SMG7: variants seen among roughly 807,000 people sequenced by gnomAD.
The protein encoded by SMG7 is nonsense-mediated mRNA decay factor SMG7.
In SMG7, 34 loss-of-function variants were observed where a neutral mutation model predicts 148.2. That is an observed-to-expected ratio of 0.23 (90% CI 0.17 to 0.31). The LOEUF (loss-of-function observed/expected upper bound fraction) is 0.31. Ranked by LOEUF, SMG7 falls within the 10% of genes least tolerant of loss-of-function variation. The pLI, the probability that SMG7 is intolerant of heterozygous loss-of-function variation, is 1.00. For missense variants in SMG7, 1,114 were observed against 1,408.4 expected, an observed-to-expected ratio of 0.79 and a Z score of 3.35; for synonymous variants, 492 against 515.1, an observed-to-expected ratio of 0.96 and a Z score of 0.61.
intron 4 of SMG7, 89 bp from the exon 5 acceptor site, chr1:183,526,507 G>A: frequency 1.3e-6 from 1 of 777,012 alleles, no homozygotes; most frequent in Non-Finnish European, 2.1e-6. Flanking sequence ...TCAGCAGTAT[G>A]TGGTACTAGG....
intron 15 of SMG7, 124 bp downstream of exon 15, chr1:183,544,621 A>G (rs1330855234): frequency 2.0e-6 from 2 of 1,004,968 alleles, no homozygotes; most frequent in East Asian, 2.6e-5. Context: ...TATTTTCCCT[A>G]ATACTTATAA....
chr1:183,497,917 TAATC>T (rs1451662815), intron 1 of SMG7, among the ~76,000 whole-genome samples: 1 of 152,094 alleles, frequency 6.6e-6, no homozygotes, highest in East Asian at 1.9e-4. Flanking sequence ...CTCAGGAAAA[TAATC>T]AAGAAAAAGA....
intron 11 of SMG7, among the ~76,000 whole-genome samples, chr1:183,537,945 A>G (rs373711065): frequency 1.3e-5 from 2 of 152,276 alleles, no homozygotes; most frequent in East Asian, 1.9e-4. Flanking sequence ...TTGCACATAA[A>G]TCACCTGAAT....
intron 4 of SMG7, among the ~76,000 whole-genome samples, chr1:183,521,709 C>CT (rs1664807985): frequency 1.3e-5 from 2 of 151,814 alleles, no homozygotes; most frequent in African/African-American, 4.8e-5. Flanking sequence ...TACAAAGAAT[C>CT]TAAAAATCAA....
intron 1 of SMG7, among the ~76,000 whole-genome samples, chr1:183,494,555 G>T (rs1571829150): frequency 6.8e-6 from 1 of 148,054 alleles, no homozygotes; most frequent in Non-Finnish European, 1.5e-5. Flanking sequence ...ATTCCTTATG[G>T]TATTGATCTC....
At chr1:183,499,852 CCTT>C (rs1659361119) in intron 1 of SMG7, among the ~76,000 whole-genome samples, 2 of 151,942 alleles carry the variant, frequency 1.3e-5, no homozygotes, top group Admixed American at 6.6e-5. Context: ...ATTTTGGTAT[CCTT>C]CTTGTTTGGA....
intron 1 of SMG7, among the ~76,000 whole-genome samples, chr1:183,502,692 C>T (rs895822731): frequency 3.3e-5 from 5 of 152,020 alleles, no homozygotes; most frequent in African/African-American, 7.2e-5. Context: ...TTATGATAAA[C>T]GTAGGGACAC....
At chr1:183,478,575 G>A (rs996618594) in intron 1 of SMG7, among the ~76,000 whole-genome samples, 24 of 152,128 alleles carry the variant, frequency 1.6e-4, no homozygotes, top group African/African-American at 5.6e-4. Context: ...GGTAGAAGAA[G>A]CAATTGCTGA....
chr1:183,550,967 C>CT, intron 21 of SMG7, 46 bp downstream of exon 21: 1 of 1,613,474 alleles, frequency 6.2e-7, no homozygotes, highest in Non-Finnish European at 8.5e-7. Context: ...AGAATTTACT[C>CT]TATCCTTCCC....
At chr1:183,505,236 T>C (rs761633890) in intron 1 of SMG7, among the ~76,000 whole-genome samples, 8 of 152,214 alleles carry the variant, frequency 5.3e-5, no homozygotes, top group Admixed American at 2.0e-4. Context: ...ACCTCCTGCA[T>C]CCTGATATAA....
chr1:183,533,257 A>G lies in SMG7; in HGVS notation c.937A>G (p.Asn313Asp). The G allele has an allele frequency of 1.9e-6, 3 of 1,614,016 alleles. No individual in the cohort carries two copies. Among genetic ancestry groups the G allele is most frequent in the Non-Finnish European group, 2.5e-6 (3 of 1,179,880 alleles). The change falls in exon 9 of 23, where the codon AAT (asparagine) becomes GAT (aspartate). Residue 313 changes from asparagine to aspartate, a missense_variant. Asn to Asp is a conservative substitution (Grantham distance 23). Coordinates refer to ENST00000688051, the MANE Select transcript of SMG7 (RefSeq NM_001375584.1). The stretch of plus-strand genomic sequence containing the variant: ...ACTTCATCACCTTCGTGACTTTAGC[A>G]ATGAAACCGAGCAGCACACTTATAG... ...FQLHHLRDFS[N>D]ETEQHTYSQD...
chr1:183,511,392 G>A (rs1473770124), intron 1 of SMG7, among the ~76,000 whole-genome samples: 2 of 152,196 alleles, frequency 1.3e-5, no homozygotes, highest in Non-Finnish European at 2.9e-5. Context: ...GCTTTCTGAA[G>A]CAGTAATGTT....
chr1:183,544,455 A>G lies in SMG7; in HGVS notation c.1945A>G (p.Ile649Val). 6.2e-7 allele frequency: 1 copy of G among 1,613,992 alleles called. No homozygotes were observed. Among genetic ancestry groups the G allele is most frequent in the Non-Finnish European group, 8.5e-7 (1 of 1,179,928 alleles). ...TQASNSQFIPIHHPGAFPPLP... is the reference protein window; with the variant it reads ...TQASNSQFIPVHHPGAFPPLP... ...AGCAAGTAACTCCCAGTTCATCCCC[A>G]TTCATCACCCTGGAGCCTTCCCTCC... The change falls in exon 15 of 23, where the codon ATT (isoleucine) becomes GTT (valine). Residue 649 changes from isoleucine to valine, a missense_variant. This residue lies in a region of SMG7 where 788 missense variants were observed against 894.5 expected (regional missense o/e 0.88). Coordinates refer to ENST00000688051, the MANE Select transcript of SMG7 (RefSeq NM_001375584.1).
At chr1:183,533,065 A>G in intron 8 of SMG7, 99 bp from the exon 9 acceptor site, 1 of 952,272 alleles carries the variant, frequency 1.1e-6, no homozygotes, top group Non-Finnish European at 1.6e-6. Flanking sequence ...ATTCTATTAC[A>G]CATGGTGGTT....
chr1:183,481,678 G>A (rs1654154800), intron 1 of SMG7, among the ~76,000 whole-genome samples: 1 of 152,150 alleles, frequency 6.6e-6, no homozygotes, highest in Non-Finnish European at 1.5e-5. Flanking sequence ...GGAGACAGAT[G>A]TGGCACAAAT....
intron 16 of SMG7, among the ~76,000 whole-genome samples, chr1:183,545,741 A>C (rs1669810669): frequency 6.6e-6 from 1 of 152,172 alleles, no homozygotes; most frequent in African/African-American, 2.4e-5. Context: ...TCATTCATTA[A>C]ACCTCTTAAA....
At chr1:183,543,289 T>C (rs1669269778) in intron 14 of SMG7, among the ~76,000 whole-genome samples, 1 of 152,216 alleles carries the variant, frequency 6.6e-6, no homozygotes, top group Non-Finnish European at 1.5e-5. Flanking sequence ...AGCAAATGTA[T>C]GTGTTTGCAT....
Position 183,527,987 on chromosome 1 carries a change from G to A in SMG7, c.516G>A (p.Glu172=), listed in dbSNP as rs1381166768. The change falls in exon 6 of 23, where the codon GAG becomes GAA. Residue 172 remains glutamate (E), a synonymous_variant. Coordinates refer to ENST00000688051, the MANE Select transcript of SMG7 (RefSeq NM_001375584.1). The surrounding 1 kb of genome is among the most constrained non-coding windows in gnomAD (Gnocchi z 4.0). ...ARYRNQTSQA[E]SYYRHAAQLV... ...ACAGAAACCAGACCAGCCAGGCAGA[G>A]TCCTACTATAGGCATGCAGCTCAGC... is the stretch of plus-strand genomic sequence containing the variant. The A allele has an allele frequency of 1.2e-6, 2 of 1,613,504 alleles. No homozygotes were observed. Among genetic ancestry groups the A allele is most frequent in the Middle Eastern group, 1.7e-4 (1 of 6,056 alleles).
chr1:183,551,232 C>T (rs1670995565), intron 22 of SMG7, 42 bp downstream of exon 22: 1 of 1,529,026 alleles, frequency 6.5e-7, no homozygotes, highest in Non-Finnish European at 8.7e-7. Flanking sequence ...ATTATTACAG[C>T]AAAGGTGTCT....
Sources: gnomAD v4.1 joint callset for allele counts (sites outside exome capture counted in the v4.1 genomes callset) on GRCh38, gnomAD v4.1.1 for gene constraint, gnomAD v4.1.1 regional missense constraint, Gnocchi (gnomAD v3.1) non-coding constraint, MANE v1.5 for transcripts, NCBI Gene and HGNC (gene_info 2026-07-23, HGNC 2026-07-21) for gene names.